COG3: variants seen among roughly 807,000 people sequenced by gnomAD.
The protein encoded by COG3 is conserved oligomeric Golgi complex subunit 3.
Under a neutral mutation model 114.1 loss-of-function variants are expected in COG3, and 32 were observed. The ratio of observed to expected loss-of-function variants is 0.28; its 90% confidence interval spans 0.21 to 0.38. COG3 has a LOEUF of 0.38. COG3 is among the 10% of genes least tolerant of loss of function. The pLI is 1.00. For synonymous variants in COG3, 352 were observed against 365.7 expected (o/e 0.96, Z 0.43); for missense variants, 813 against 973.2 (o/e 0.84, Z 2.19).
At chr13:45,465,275 A>G in intron 1 of COG3, 65 bp downstream of exon 1, 1 of 1,576,120 alleles carries the variant, frequency 6.3e-7, no homozygotes, top group Non-Finnish European at 8.6e-7. Context: ...GCGCCCCGGC[A>G]GGACCCCGGC....
intron 5 of COG3, among the ~76,000 whole-genome samples, chr13:45,482,090 T>G (rs903653248): frequency 1.3e-5 from 2 of 152,180 alleles, no homozygotes; most frequent in Non-Finnish European, 2.9e-5. Flanking sequence ...ATTTCATATA[T>G]TATTTGAATA....
chr13:45,495,452 A>G (rs1422619338), intron 12 of COG3, among the ~76,000 whole-genome samples: 2 of 152,008 alleles, frequency 1.3e-5, no homozygotes, highest in African/African-American at 4.8e-5. Flanking sequence ...ATCACAGCTC[A>G]CTGCAGCCTC....
intron 14 of COG3, among the ~76,000 whole-genome samples, chr13:45,507,081 G>T (rs3014964): frequency 0.9 from 136,873 of 152,234 alleles, 61,677 homozygotes; most frequent in African/African-American, 0.94. Context: ...TGGCTTTTGA[G>T]GGTTTGCCCC....
intron 1 of COG3, among the ~76,000 whole-genome samples, chr13:45,471,741 C>CT (rs549368322): frequency 2.1e-5 from 3 of 146,230 alleles, no homozygotes; most frequent in South Asian, 2.2e-4. Context: ...TTTTTTTGGT[C>CT]TTTTTTTTGA....
chr13:45,523,174 C>T (rs1872351384), intron 19 of COG3, among the ~76,000 whole-genome samples: 1 of 149,992 alleles, frequency 6.7e-6, no homozygotes, highest in South Asian at 2.1e-4. Flanking sequence ...CTGATGGGAC[C>T]AATTTATGCT....
chr13:45,500,188 C>T (rs2137852687), intron 13 of COG3, among the ~76,000 whole-genome samples: 1 of 151,222 alleles, frequency 6.6e-6, no homozygotes, highest in East Asian at 1.9e-4. Context: ...TAAAAAATGT[C>T]CCTTGAAATA....
Position 45,465,144 on chromosome 13 carries a change from C to T in COG3, c.108C>T (p.Thr36=). ...GACCGGACACGACGGCGCCGCTGAC[C>T]GACAGGCAGACGGACTCGGTATTGG... ...DRRPDTTAPL[T]DRQTDSVLEL... is the part of the protein sequence containing the mutation. Residue 36 remains threonine, a synonymous_variant, in exon 1 of 23, where the codon ACC becomes ACT. Coordinates refer to ENST00000349995, the MANE Select transcript of COG3 (RefSeq NM_031431.4). 1 of 1,613,494 alleles carries T rather than the reference C, an allele frequency of 6.2e-7. No homozygotes were observed. Among genetic ancestry groups the T allele is most frequent in the Non-Finnish European group, 8.5e-7 (1 of 1,179,880 alleles).
chr13:45,473,099 G>T, intron 1 of COG3, among the ~76,000 whole-genome samples: 1 of 152,136 alleles, frequency 6.6e-6, no homozygotes, highest in Non-Finnish European at 1.5e-5. Flanking sequence ...TTGATCTCCT[G>T]ACCTCGTGAT....
Position 45,503,307 on chromosome 13 carries a change from G to T in COG3, c.1552G>T (p.Val518Phe), listed in dbSNP as rs748742578. 1 of 1,606,772 alleles carries T rather than the reference G, an allele frequency of 6.2e-7. No homozygotes were observed. The highest frequency in any genetic ancestry group is 2.2e-5 in the East Asian group (1 of 44,866). Reference protein sequence around the residue: ...KVPSEASFSDVHLEEGESNSL... With the variant: ...KVPSEASFSDFHLEEGESNSL... The stretch of plus-strand genomic sequence containing the variant: ...ACCTTCAGAAGCTTCATTTTCAGAT[G>T]TTCACTTAGAAGAAGGAGAGTCTAA... Residue 518 changes from valine to phenylalanine, a missense_variant, in exon 14 of 23, where the codon GTT (valine) becomes TTT (phenylalanine). Val to Phe is a conservative substitution (Grantham distance 50). Coordinates refer to ENST00000349995, the MANE Select transcript of COG3 (RefSeq NM_031431.4).
chr13:45,491,343 T>C (rs1177762740), intron 9 of COG3, 69 bp from the exon 10 acceptor site: 12 of 1,529,618 alleles, frequency 7.8e-6, no homozygotes, highest in Non-Finnish European at 1.1e-5. Flanking sequence ...CAACCTACAC[T>C]GGGATTTAAG....
chr13:45,514,934 C>T (rs1871385468), intron 16 of COG3, among the ~76,000 whole-genome samples: 1 of 152,136 alleles, frequency 6.6e-6, no homozygotes, highest in South Asian at 2.1e-4. Context: ...AGGCGTGAGC[C>T]ACCGCGCCTG....
intron 22 of COG3, among the ~76,000 whole-genome samples, chr13:45,531,688 T>C (rs1372164718): frequency 6.6e-6 from 1 of 151,964 alleles, no homozygotes; most frequent in Non-Finnish European, 1.5e-5. Flanking sequence ...TTGTATTTGG[T>C]AGACAGAGGG....
intron 7 of COG3, among the ~76,000 whole-genome samples, 156 bp from the exon 8 acceptor site, chr13:45,486,339 C>CGGAGAGGGAGAGGGAGAGGGAGA (rs72096860): frequency 5.4e-5 from 3 of 55,236 alleles, no homozygotes; most frequent in East Asian, 1.1e-3. Context: ...AGACGGGAGA[C>CGGAGAGGGAGAGGGAGAGGGAGA]GGGAGAGGGA....
chr13:45,483,876 A>C (rs75118394), intron 7 of COG3, among the ~76,000 whole-genome samples: 3,231 of 152,278 alleles, frequency 0.021, 111 homozygotes, highest in African/African-American at 0.074. Context: ...TATATTAGGA[A>C]TTGTATAGAA....
chr13:45,519,138 T>C, intron 19 of COG3, 44 bp downstream of exon 19: 1 of 1,601,336 alleles, frequency 6.2e-7, no homozygotes, highest in Non-Finnish European at 8.5e-7. Flanking sequence ...TTTGCATTCT[T>C]CCTTAGATTT....
intron 16 of COG3, 146 bp from the exon 17 acceptor site, chr13:45,515,996 TG>T: frequency 2.0e-6 from 1 of 491,182 alleles, no homozygotes; most frequent in Non-Finnish European, 3.3e-6. Flanking sequence ...AATTCTAGCA[TG>T]GGGAGAGTTC....
At chr13:45,512,952 A>C (rs989145689) in intron 16 of COG3, among the ~76,000 whole-genome samples, 2 of 150,230 alleles carry the variant, frequency 1.3e-5, no homozygotes, top group African/African-American at 4.9e-5. Context: ...CTGGGGCTGA[A>C]GGCTGCTGGC....
chr13:45,481,454 G>T (rs557910656), intron 5 of COG3, 150 bp downstream of exon 5: 6 of 581,356 alleles, frequency 1.0e-5, no homozygotes, highest in Non-Finnish European at 1.9e-5. Flanking sequence ...AGACAGTGGA[G>T]ATACCATTAC....
intron 16 of COG3, among the ~76,000 whole-genome samples, chr13:45,513,016 A>G (rs1871045059): frequency 6.6e-6 from 1 of 150,778 alleles, no homozygotes; most frequent in African/African-American, 2.4e-5. Flanking sequence ...GAAGTAGAGC[A>G]TGTTCAAAAG....
Sources: allele counts gnomAD v4.1 joint callset (sites outside exome capture counted in the v4.1 genomes callset), GRCh38; gene constraint gnomAD v4.1.1; transcripts MANE v1.5; gene names NCBI Gene and HGNC (gene_info 2026-07-23, HGNC 2026-07-21).